The following COPG1 variants were observed in gnomAD, a reference collection of about 807,000 sequenced individuals.
COPG1 encodes the protein coatomer subunit gamma-1.
In COPG1, 29 loss-of-function variants were observed where a neutral mutation model predicts 102.8. The ratio of observed to expected loss-of-function variants is 0.28; its 90% CI spans 0.21 to 0.38. COPG1 has a LOEUF of 0.38. COPG1 is among the 10% of genes least tolerant of loss of function. The pLI is 1.00. For missense variants in COPG1, 875 were observed against 1,132.7 expected (o/e 0.77, Z 3.27); for synonymous variants, 406 against 421.6 (o/e 0.96, Z 0.45).
At chr3:129,266,985 G>A (rs1180997711) in intron 14 of COPG1, 39 bp from the exon 15 acceptor site, 2 of 1,577,598 alleles carry the variant, frequency 1.3e-6, no homozygotes, top group Non-Finnish European at 1.7e-6. Flanking sequence ...TGAGTTGTCA[G>A]GGTGCATTGG....
chr3:129,268,376 A>AT (rs2107677990), intron 16 of COPG1, 119 bp from the exon 17 acceptor site: 1 of 995,442 alleles, frequency 1.0e-6, no homozygotes, highest in Admixed American at 2.7e-5. Flanking sequence ...GAATAAAGTG[A>AT]TTTTCTCAGG....
At chr3:129,268,448 A>T in intron 16 of COPG1, 47 bp from the exon 17 acceptor site, 1 of 1,603,850 alleles carries the variant, frequency 6.2e-7, no homozygotes, top group Non-Finnish European at 8.5e-7. Context: ...TCCCTGGTGC[A>T]CATTTTGCTC....
rs1939997903 is a variant in COPG1 at position 129,263,899 on chromosome 3, T to C, written c.1129-5T>C. 2 of 1,613,342 alleles carry C rather than the reference T, an allele frequency of 1.2e-6. No individual in the cohort carries two copies. The highest frequency in any genetic ancestry group is 1.7e-6 in the Non-Finnish European group (2 of 1,179,296). ...CTGCTGCTCATGCACGTCTATTTCATTTAGGTGGTGGTTGTCCAGGCCATC... is the reference window on the plus strand; with the variant it reads ...CTGCTGCTCATGCACGTCTATTTCACTTAGGTGGTGGTTGTCCAGGCCATC... On this transcript the variant is annotated splice_region_variant and splice_polypyrimidine_tract_variant and intron_variant, in intron 12 of 23. Transcript: ENST00000314797.
At position 129,268,986 on chromosome 3, in the gene COPG1, A is replaced by C. The variant is rs748751906; in HGVS notation, c.1829A>C (p.Gln610Pro). 1.4e-5 allele frequency: 22 copies of C among 1,613,974 alleles called. No homozygotes were observed. Among genetic ancestry groups the C allele is most frequent in the Non-Finnish European group, 1.8e-5 (21 of 1,179,964 alleles). ...CCTGAGAAAGTGGCAGCTACCAGGCAGGAGATCTTCCAGGGTGAGTCACAG... is the reference window on the plus strand; with the variant it reads ...CCTGAGAAAGTGGCAGCTACCAGGCCGGAGATCTTCCAGGGTGAGTCACAG... ...KQPEKVAATRQEIFQEQLAAV... is the reference protein window; with the variant it reads ...KQPEKVAATRPEIFQEQLAAV... Residue 610 changes from glutamine to proline, a missense_variant, in exon 18 of 24, where the codon CAG becomes CCG. By Grantham distance (76) the Gln-to-Pro change is moderately conservative. Transcript: ENST00000314797.
chr3:129,274,186 GA>G (rs879199047), intron 21 of COPG1: 10,328 of 311,534 alleles, frequency 0.033, 2 homozygotes, highest in South Asian at 0.052. Flanking sequence ...CAGAGATGAA[GA>G]AAAAAAAAAA....
rs1939800353 is a variant in COPG1 at position 129,255,956 on chromosome 3, C to A, written c.493-112C>A. 6 of 841,498 alleles carry A rather than the reference C, an allele frequency of 7.1e-6. No homozygotes were observed. The South Asian group carries it at 7.7e-5, about 11-fold the overall frequency. The allele number at this position is 841,498 out of a possible 1,614,324, so 52.1% of individuals were successfully genotyped here. On this transcript the variant is annotated intron_variant, in intron 7 of 23. Coordinates refer to ENST00000314797, the MANE Select transcript of COPG1 (RefSeq NM_016128.4). ...TGAGTTTGTCCATGGTCTCTGAGGA[C>A]CAGGACAGTGGCGAGCCCCTGAGCT...
chr3:129,274,154 G>A, intron 21 of COPG1: 1 of 455,466 alleles, frequency 2.2e-6, no homozygotes, highest in South Asian at 1.6e-5. Context: ...CCTTGAGAGA[G>A]CTGGGTCTGT....
Position 129,271,809 on chromosome 3 carries a change from T to A in COPG1, c.1886T>A (p.Leu629His). 6.2e-7 allele frequency: 1 copy of A among 1,614,214 alleles called. No individual in the cohort carries two copies. Among genetic ancestry groups the A allele is most frequent in the South Asian group, 1.1e-5 (1 of 91,082 alleles). ...AVPEFRGLGP[L>H]FKSSPEPVAL... is the part of the protein sequence containing the mutation. ...CCAGAGTTCCGCGGTCTTGGGCCCC[T>A]CTTCAAGTCCTCGCCTGAGCCCGTG... is the stretch of plus-strand genomic sequence containing the variant. Residue 629 changes from leucine (L) to histidine (H), a missense_variant, in exon 19 of 24, where the codon CTC (leucine) becomes CAC (histidine). Transcript: ENST00000314797. This position sits in a 1 kb window ranked among gnomAD's most constrained non-coding sequence, Gnocchi z 4.7.
chr3:129,268,667 T>A (rs1940119654), intron 17 of COPG1, 47 bp downstream of exon 17: 1 of 1,602,196 alleles, frequency 6.2e-7, no homozygotes, highest in East Asian at 2.2e-5. Context: ...AGGCCTCTGT[T>A]GGAGGGTCTG....
intron 16 of COPG1, 44 bp downstream of exon 16, chr3:129,268,084 G>A (rs545939660): frequency 6.6e-7 from 1 of 1,507,240 alleles, no homozygotes; most frequent in East Asian, 2.3e-5. Flanking sequence ...CCTTACTGGA[G>A]CTGTGGTTCT....
intron 3 of COPG1, 75 bp from the exon 4 acceptor site, chr3:129,252,548 G>T (rs904416621): frequency 7.8e-7 from 1 of 1,287,374 alleles, no homozygotes; most frequent in Admixed American, 1.7e-5. Flanking sequence ...CTGGGGATCT[G>T]GTGTGGGCTG....
chr3:129,257,821 C>A lies in COPG1; in HGVS notation c.832C>A (p.Pro278Thr). 6.2e-7 allele frequency: 1 copy of A among 1,613,982 alleles called. No homozygotes were observed. ...AGCCGCCTCGGCCATCGTCAATCTGCCAGGCTGCAGTGCCAAAGAGCTGGC... is the reference window on the plus strand; with the variant it reads ...AGCCGCCTCGGCCATCGTCAATCTGACAGGCTGCAGTGCCAAAGAGCTGGC... ...YEAASAIVNL[P>T]GCSAKELAPA... The change falls in exon 10 of 24, where the codon CCA (proline) becomes ACA (threonine). Residue 278 changes from proline (P) to threonine (T), a missense_variant. By Grantham distance (38) the Pro-to-Thr change is conservative. Coordinates refer to ENST00000314797, the MANE Select transcript of COPG1 (RefSeq NM_016128.4).
Position 129,265,716 on chromosome 3 carries a change from C to T in COPG1, c.1392C>T (p.Pro464=). ...TACATCTCCTGGGCCAGGAGGGGCC[C>T]AAGACCACCAATCCCTCAAAGTACA... ...RILHLLGQEG[P]KTTNPSKYIR... is the part of the protein sequence containing the mutation. The change falls in exon 14 of 24, where the codon CCC becomes CCT. Residue 464 remains proline, a synonymous_variant. Transcript: ENST00000314797. 1 of 1,614,178 alleles carries T rather than the reference C, an allele frequency of 6.2e-7. No homozygotes were observed.
chr3:129,262,316 G>T (rs1356644521), intron 12 of COPG1, among the ~76,000 whole-genome samples: 3 of 150,266 alleles, frequency 2.0e-5, no homozygotes, highest in African/African-American at 7.4e-5. Context: ...GCAGTGGTGT[G>T]ACCTCAGCTC....
At position 129,257,612 on chromosome 3, in the gene COPG1, A is replaced by G. The variant is rs760213055; in HGVS notation, c.722A>G (p.Glu241Gly). ...MMIRVASKQLEEEDGSRDSPL... is the reference protein window; with the variant it reads ...MMIRVASKQLGEEDGSRDSPL... ...ATCCGGGTGGCCAGCAAGCAGCTGG[A>G]AGAGGAGGATGGCAGGTAACGGCTC... Residue 241 changes from glutamate to glycine, a missense_variant, in exon 9 of 24, where the codon GAA becomes GGA. Transcript: ENST00000314797. 4 of 1,614,218 alleles carry G rather than the reference A, an allele frequency of 2.5e-6. No homozygotes were observed. The highest frequency in any genetic ancestry group is 1.7e-5 in the Admixed American group (1 of 60,026).
chr3:129,255,478 C>G (rs6785963), intron 7 of COPG1, among the ~76,000 whole-genome samples: 2 of 135,102 alleles, frequency 1.5e-5, no homozygotes, highest in Non-Finnish European at 3.2e-5. Context: ...TGCCTGGCCT[C>G]TCTTTCTTCT....
chr3:129,251,812 C>T (rs148550321), intron 2 of COPG1, among the ~76,000 whole-genome samples: 30 of 152,172 alleles, frequency 2.0e-4, no homozygotes, highest in Non-Finnish European at 3.1e-4. Flanking sequence ...CTCGGCCTCC[C>T]GAGTAGCTGA....
chr3:129,250,092 C>G (rs1250479405), intron 1 of COPG1, among the ~76,000 whole-genome samples: 1 of 152,146 alleles, frequency 6.6e-6, no homozygotes, highest in Non-Finnish European at 1.5e-5. Flanking sequence ...TGGTGCTGGC[C>G]AAACTGGGGT....
At chr3:129,274,802 T>C (rs781497389) in intron 21 of COPG1, 36 bp from the exon 22 acceptor site, 46 of 1,611,958 alleles carry the variant, frequency 2.9e-5, no homozygotes, top group Non-Finnish European at 3.6e-5. Flanking sequence ...CGTAGGTGTG[T>C]AGATGGGTGC....
Sources: allele counts gnomAD v4.1 joint callset (sites outside exome capture counted in the v4.1 genomes callset), GRCh38; gene constraint gnomAD v4.1.1; non-coding constraint Gnocchi (gnomAD v3.1); transcripts MANE v1.5; gene names NCBI Gene and HGNC (gene_info 2026-07-23, HGNC 2026-07-21).